GPC6: variants seen among roughly 807,000 people sequenced by gnomAD.
GPC6 encodes glypican-6.
In GPC6, 14 loss-of-function variants were observed where a neutral mutation model predicts 55.2. That is an observed-to-expected ratio of 0.25 (90% CI 0.17 to 0.40). The LOEUF (loss-of-function observed/expected upper bound fraction) is 0.40, where lower values mean the gene tolerates loss of function less well. Ranked by LOEUF, GPC6 falls within the 10% of genes least tolerant of loss-of-function variation. The pLI is 1.00. For synonymous variants in GPC6, 278 were observed against 259.6 expected (o/e 1.07, Z -0.68); for missense variants, 641 against 708.5 (o/e 0.90, Z 1.08).
chr13:93,686,914 A>G (rs1466127323), intron 2 of GPC6, among the ~76,000 whole-genome samples: 2 of 152,064 alleles, frequency 1.3e-5, no homozygotes, highest in Admixed American at 1.3e-4. Context: ...TATTGAGCTG[A>G]ACATTTTTAT....
chr13:93,832,130 T>TATAA (rs1566558668), intron 3 of GPC6, among the ~76,000 whole-genome samples: 1 of 93,516 alleles, frequency 1.1e-5, no homozygotes, highest in Non-Finnish European at 2.0e-5. Flanking sequence ...AAAATATATA[T>TATAA]ATATATATAT....
intron 1 of GPC6, among the ~76,000 whole-genome samples, chr13:93,366,549 T>G (rs917289346): frequency 1.3e-5 from 2 of 152,068 alleles, no homozygotes; most frequent in Non-Finnish European, 2.9e-5. Flanking sequence ...CCACCCACAT[T>G]CCTCCAATCT....
chr13:93,743,120 C>G (rs764317012), intron 2 of GPC6, among the ~76,000 whole-genome samples: 43 of 152,158 alleles, frequency 2.8e-4, no homozygotes, highest in Non-Finnish European at 5.9e-4. Flanking sequence ...TTCCAAGAGT[C>G]TATCATGAGC....
intron 6 of GPC6, among the ~76,000 whole-genome samples, chr13:94,363,867 T>TGTAA (rs1444512057): frequency 6.6e-6 from 1 of 152,216 alleles, no homozygotes. Flanking sequence ...TGAGATGGAC[T>TGTAA]GTAAGTATAA....
At chr13:93,843,425 G>A (rs1486488276) in intron 3 of GPC6, among the ~76,000 whole-genome samples, 1 of 152,056 alleles carries the variant, frequency 6.6e-6, no homozygotes, top group African/African-American at 2.4e-5. Flanking sequence ...GGAAAAGAAA[G>A]GATGGGTATA....
chr13:94,218,493 C>T (rs538029614), intron 4 of GPC6, among the ~76,000 whole-genome samples: 59 of 152,262 alleles, frequency 3.9e-4, no homozygotes, highest in African/African-American at 1.3e-3. Context: ...CAGTGCACCC[C>T]GTTATTCTGC....
chr13:93,927,796 T>A (rs1454986295), intron 3 of GPC6, among the ~76,000 whole-genome samples: 1 of 152,136 alleles, frequency 6.6e-6, no homozygotes, highest in East Asian at 1.9e-4. Context: ...ACAATTCCTG[T>A]TATAAAAGCA....
At chr13:93,831,660 G>A (rs111297764) in intron 3 of GPC6, among the ~76,000 whole-genome samples, 2,161 of 151,686 alleles carry the variant, frequency 0.014, 45 homozygotes, top group African/African-American at 0.05. Flanking sequence ...AGTAAAATCC[G>A]TAATAGCCCA....
intron 1 of GPC6, among the ~76,000 whole-genome samples, chr13:93,311,346 A>C (rs1879060724): frequency 6.6e-6 from 1 of 152,188 alleles, no homozygotes. Context: ...CCCTTGAGCT[A>C]TTTGAATATA....
chr13:93,500,188 AG>A (rs1880469192), intron 1 of GPC6, among the ~76,000 whole-genome samples: 2 of 152,218 alleles, frequency 1.3e-5, no homozygotes, highest in Non-Finnish European at 2.9e-5. Context: ...TGTGAGCTAC[AG>A]GGAGGGAAGG....
intron 3 of GPC6, among the ~76,000 whole-genome samples, chr13:93,980,203 A>G (rs1027322703): frequency 3.3e-5 from 5 of 152,136 alleles, no homozygotes; most frequent in Non-Finnish European, 5.9e-5. Flanking sequence ...GGGTTGTCAC[A>G]TGATGAATTT....
At chr13:94,040,386 T>C (rs1035072415) in intron 4 of GPC6, among the ~76,000 whole-genome samples, 5 of 151,854 alleles carry the variant, frequency 3.3e-5, no homozygotes, top group African/African-American at 1.2e-4. Flanking sequence ...CAAATATACA[T>C]GATGCAGCTT....
intron 1 of GPC6, among the ~76,000 whole-genome samples, chr13:93,305,192 C>A (rs1050157796): frequency 1.3e-5 from 2 of 152,126 alleles, no homozygotes; most frequent in African/African-American, 2.4e-5. Flanking sequence ...CTCTATCTGG[C>A]CTCACCTCAG....
intron 1 of GPC6, among the ~76,000 whole-genome samples, chr13:93,329,019 G>T (rs9556280): frequency 0.24 from 35,891 of 151,914 alleles, 4,664 homozygotes; most frequent in East Asian, 0.54. Flanking sequence ...GGATCTGTGT[G>T]TTTTTAAACA....
At chr13:94,052,736 G>A (rs1477941652) in intron 4 of GPC6, among the ~76,000 whole-genome samples, 1 of 151,822 alleles carries the variant, frequency 6.6e-6, no homozygotes, top group Non-Finnish European at 1.5e-5. Flanking sequence ...AAGCTTCTTG[G>A]GGGCCTGCCT....
intron 1 of GPC6, among the ~76,000 whole-genome samples, chr13:93,308,745 A>T (rs41465452): frequency 6.6e-6 from 1 of 152,220 alleles, no homozygotes; most frequent in Non-Finnish European, 1.5e-5. Flanking sequence ...CTGGGCTGTC[A>T]TGGGTAATTT....
At chr13:93,223,101 G>A (rs549567138), upstream of GPC6, among the ~76,000 whole-genome samples, 52 of 142,272 alleles carry the variant, frequency 3.7e-4, no homozygotes, top group African/African-American at 1.3e-3. Context: ...CTACACCAGG[G>A]AAAAGTGCTA....
chr13:94,282,543 C>T (rs1265288255), intron 4 of GPC6, among the ~76,000 whole-genome samples: 1 of 152,170 alleles, frequency 6.6e-6, no homozygotes. Flanking sequence ...AACCATATCA[C>T]TGTGGACCAG....
intron 2 of GPC6, among the ~76,000 whole-genome samples, chr13:93,619,208 T>C (rs1011531266): frequency 2.0e-5 from 3 of 152,172 alleles, no homozygotes; most frequent in South Asian, 2.1e-4. Context: ...GGATAACATA[T>C]ACAACTTGTG....
Sources: gnomAD v4.1 joint callset for allele counts (sites outside exome capture counted in the v4.1 genomes callset) on GRCh38, gnomAD v4.1.1 for gene constraint, MANE v1.5 for transcripts, NCBI Gene and HGNC (gene_info 2026-07-23, HGNC 2026-07-21) for gene names.